The following SPEN variants were observed in gnomAD, a reference collection of about 807,000 sequenced individuals.
SPEN encodes the protein spen family transcriptional repressor, also known as msx2-interacting protein.
In SPEN, 18 loss-of-function variants were observed where a neutral mutation model predicts 269.9. That is an observed-to-expected ratio of 0.07 (90% CI 0.05 to 0.10). SPEN has a LOEUF of 0.10. Ranked by LOEUF, SPEN falls within the 10% of genes least tolerant of loss-of-function variation. The pLI is 1.00. For missense variants in SPEN, 3,822 were observed against 4,631.2 expected (o/e 0.83, Z 5.07); for synonymous variants, 1,726 against 1,765.7 (o/e 0.98, Z 0.56).
At position 15,940,026 on chromosome 1, in the gene SPEN, T is replaced by G; in HGVS notation, c.*599T>G. On this transcript the variant is annotated 3_prime_UTR_variant, in exon 15 of 15. Coordinates refer to ENST00000375759, the MANE Select transcript of SPEN (RefSeq NM_015001.3). Reference sequence around the variant, plus strand: ...TCTTTGATTCACCGGGATGTACAGTTTACAGTTGAAGAGCAAACAGAAAGG... The same window carrying G: ...TCTTTGATTCACCGGGATGTACAGTGTACAGTTGAAGAGCAAACAGAAAGG... The G allele has an allele frequency of 4.4e-6, 1 of 229,136 alleles. No homozygotes were observed. 14.2% of individuals were successfully genotyped at this position (229,136 alleles called of 1,614,324 possible). A position where few individuals can be genotyped will look rare whatever the true frequency, so the allele number is the denominator to read the frequency against.
In SPEN at chr1:15,911,092, G is replaced by T. The variant is rs1347436864; in HGVS notation, c.1043-9G>T. The T allele has an allele frequency of 1.1e-5, 17 of 1,585,024 alleles. No individual in the cohort carries two copies. The highest frequency in any genetic ancestry group is 1.4e-5 in the African/African-American group (1 of 72,876). On this transcript the variant is annotated splice_polypyrimidine_tract_variant and intron_variant, in intron 4 of 14. Coordinates refer to ENST00000375759, the MANE Select transcript of SPEN (RefSeq NM_015001.3). The stretch of plus-strand genomic sequence containing the variant: ...AGAATTAATAACTTGGTTTTTTTTG[G>T]GAATTTAGATACAAGCCTTAAAGAT...
At chr1:15,921,716 A>C (rs927299142) in intron 9 of SPEN, among the ~76,000 whole-genome samples, 2 of 152,210 alleles carry the variant, frequency 1.3e-5, no homozygotes, top group African/African-American at 4.8e-5. Flanking sequence ...TGTCCAGTGT[A>C]TGTTTTTAAA....
At chr1:15,858,660 G>C (rs1569968173) in intron 1 of SPEN, among the ~76,000 whole-genome samples, 1 of 152,212 alleles carries the variant, frequency 6.6e-6, no homozygotes, top group African/African-American at 2.4e-5. Context: ...GCTTGGCCAG[G>C]TGCAGTGGCT....
At chr1:15,859,790 ACTT>A (rs1158190293) in intron 1 of SPEN, among the ~76,000 whole-genome samples, 1 of 151,638 alleles carries the variant, frequency 6.6e-6, no homozygotes, top group African/African-American at 2.4e-5. Flanking sequence ...TCCTAAAAAG[ACTT>A]CTTATTTCTG....
intron 1 of SPEN, among the ~76,000 whole-genome samples, chr1:15,855,350 A>G (rs1424650246): frequency 1.3e-5 from 2 of 152,208 alleles, no homozygotes; most frequent in Non-Finnish European, 2.9e-5. Flanking sequence ...ACTTTTACAT[A>G]TAATACATTT....
chr1:15,887,017 C>T (rs902106375), intron 3 of SPEN, among the ~76,000 whole-genome samples: 1 of 152,112 alleles, frequency 6.6e-6, no homozygotes, highest in South Asian at 2.1e-4. Flanking sequence ...CTTGCTCTGT[C>T]GCCCAGGCTG....
At chr1:15,900,278 A>G (rs1324579427) in intron 3 of SPEN, among the ~76,000 whole-genome samples, 4 of 152,184 alleles carry the variant, frequency 2.6e-5, no homozygotes, top group Non-Finnish European at 4.4e-5. Flanking sequence ...GAAAAATCTA[A>G]TTGTGATATT....
At chr1:15,902,407 C>T (rs2148724689) in intron 3 of SPEN, among the ~76,000 whole-genome samples, 1 of 152,212 alleles carries the variant, frequency 6.6e-6, no homozygotes, top group Admixed American at 6.5e-5. Context: ...TTTGGGTCCT[C>T]ACAGGTCCTC....
chr1:15,870,179 C>CT (rs1489357738), intron 1 of SPEN, among the ~76,000 whole-genome samples: 4 of 152,132 alleles, frequency 2.6e-5, no homozygotes, highest in African/African-American at 9.6e-5. Flanking sequence ...CGATCATTTG[C>CT]TTTTGAATAA....
chr1:15,894,520 C>G (rs1241361850), intron 3 of SPEN, among the ~76,000 whole-genome samples: 1 of 147,404 alleles, frequency 6.8e-6, no homozygotes, highest in Non-Finnish European at 1.5e-5. Context: ...GATCCTAAAA[C>G]TACCATATTA....
chr1:15,895,734 G>T lies in SPEN; in HGVS notation c.882-13587G>T, dbSNP rs138344647. 3.3e-3 allele frequency among the ~76,000 whole-genome samples: 476 copies of T among 146,314 alleles called. 1 individual carries two copies. Among genetic ancestry groups the T allele is most frequent in the African/African-American group, 0.011 (431 of 39,188 alleles). ...ATCACTCTGTTGCCCAGGGTGGAGT[G>T]CAGTGGCATGATCTCGGCTCACTGC... On this transcript the variant is annotated intron_variant, in intron 3 of 14. Coordinates refer to ENST00000375759, the MANE Select transcript of SPEN (RefSeq NM_015001.3).
chr1:15,894,353 A>G (rs564306871), intron 3 of SPEN, among the ~76,000 whole-genome samples: 99 of 152,220 alleles, frequency 6.5e-4, no homozygotes, highest in African/African-American at 2.3e-3. Context: ...GGGAGCATGC[A>G]TGTTTGATGC....
At chr1:15,896,885 T>C (rs990872404) in intron 3 of SPEN, among the ~76,000 whole-genome samples, 1 of 152,184 alleles carries the variant, frequency 6.6e-6, no homozygotes, top group Admixed American at 6.5e-5. Flanking sequence ...GGAGGATTGC[T>C]TGAGCCCAGG....
intron 2 of SPEN, among the ~76,000 whole-genome samples, chr1:15,875,569 A>G (rs1475475904): frequency 6.6e-6 from 1 of 151,898 alleles, no homozygotes; most frequent in East Asian, 1.9e-4. Flanking sequence ...TTGAGATTCT[A>G]TTTTTATTAT....
At chr1:15,924,862 T>G (rs1057362490) in intron 10 of SPEN, among the ~76,000 whole-genome samples, 1 of 152,206 alleles carries the variant, frequency 6.6e-6, no homozygotes, top group African/African-American at 2.4e-5. Flanking sequence ...TATCTCCTCA[T>G]GAGGACGCAG....
At position 15,930,066 on chromosome 1, in the gene SPEN, A is replaced by G; in HGVS notation, c.3826A>G (p.Ile1276Val). The change falls in exon 11 of 15, where the codon ATA becomes GTA. Residue 1276 changes from isoleucine (I) to valine (V), a missense_variant. Around this residue, in one of 16 missense-constraint regions of SPEN, gnomAD observed 267 missense variants for 315.5 expected, o/e 0.85. Transcript: ENST00000375759. This position sits in a 1 kb window ranked among gnomAD's most constrained non-coding sequence, Gnocchi z 5.3. ...HGSFHEDEDPIGSPRLLSVKG... is the reference protein window; with the variant it reads ...HGSFHEDEDPVGSPRLLSVKG... ...TTCCTTCCATGAAGATGAGGATCCCATAGGCTCCCCTAGGCTACTGTCAGT... is the reference window on the plus strand; with the variant it reads ...TTCCTTCCATGAAGATGAGGATCCCGTAGGCTCCCCTAGGCTACTGTCAGT... The G allele has an allele frequency of 2.5e-6, 4 of 1,614,204 alleles. No homozygotes were observed. Among genetic ancestry groups the G allele is most frequent in the Non-Finnish European group, 3.4e-6 (4 of 1,180,022 alleles).
At position 15,934,232 on chromosome 1, in the gene SPEN, G is replaced by C. The variant is rs757330925; in HGVS notation, c.7992G>C (p.Pro2664=). The C allele has an allele frequency of 3.3e-5, 54 of 1,614,202 alleles. 1 individual carries two copies. The Admixed American group carries it at 8.8e-4, about 26-fold the overall frequency. ...LTGLVNVSLV[P]VNALKGPVKG... is the part of the protein sequence containing the mutation. ...GCCTGGTGAACGTCTCCCTGGTCCC[G>C]GTGAATGCCCTGAAAGGCCCCGTGA... is the stretch of plus-strand genomic sequence containing the variant. Residue 2664 remains proline (P), a synonymous_variant, in exon 11 of 15, where the codon CCG becomes CCC. Transcript: ENST00000375759. The surrounding 1 kb of genome is among the most constrained non-coding windows in gnomAD (Gnocchi z 9.2).
At position 15,923,957 on chromosome 1, in the gene SPEN, C is replaced by T. The variant is rs1443578357; in HGVS notation, c.1850+1608C>T. Among the ~76,000 whole-genome samples, 18 of 152,272 alleles carry T rather than the reference C, an allele frequency of 1.2e-4. No individual in the cohort carries two copies. The East Asian group carries it at 1.3e-3, about 11-fold the overall frequency. On this transcript the variant is annotated intron_variant, in intron 10 of 14. Transcript: ENST00000375759. The stretch of plus-strand genomic sequence containing the variant: ...TGCTGGGATTACAGGCGTGAGCCAC[C>T]GCACCCGGCCTACCTGGTGTTTTTA...
At chr1:15,860,090 T>G (rs529790410) in intron 1 of SPEN, among the ~76,000 whole-genome samples, 1 of 151,460 alleles carries the variant, frequency 6.6e-6, no homozygotes, top group East Asian at 2.0e-4. Flanking sequence ...TTTTTGTATT[T>G]TTAGTAGAGA....
Sources: allele counts gnomAD v4.1 joint callset (sites outside exome capture counted in the v4.1 genomes callset), GRCh38; gene constraint gnomAD v4.1.1; regional missense constraint gnomAD v4.1.1; non-coding constraint Gnocchi (gnomAD v3.1); transcripts MANE v1.5; gene names NCBI Gene and HGNC (gene_info 2026-07-23, HGNC 2026-07-21).